The following NPAS3 variants were observed in gnomAD, a reference collection of about 807,000 sequenced individuals.
The protein encoded by NPAS3 is neuronal PAS domain-containing protein 3.
Under a neutral mutation model 73.1 loss-of-function variants are expected in NPAS3, and 14 were observed. That is an observed-to-expected ratio of 0.19 (90% CI 0.13 to 0.30). NPAS3 has a LOEUF of 0.30. NPAS3 is among the 10% of genes least tolerant of loss of function. NPAS3 has a pLI of 1.00. For synonymous variants in NPAS3, 620 were observed against 541.5 expected (o/e 1.14, Z -2.01); for missense variants, 1,096 against 1,250.0 (o/e 0.88, Z 1.86).
At chr14:33,643,383 A>AT (rs1488917486) in intron 5 of NPAS3, among the ~76,000 whole-genome samples, 1 of 146,302 alleles carries the variant, frequency 6.8e-6, no homozygotes, top group Non-Finnish European at 1.5e-5. Context: ...ATTAAAAAAA[A>AT]AAAAAAAAAA....
At chr14:33,032,576 T>A (rs1201463144) in intron 1 of NPAS3, among the ~76,000 whole-genome samples, 1 of 152,164 alleles carries the variant, frequency 6.6e-6, no homozygotes, top group African/African-American at 2.4e-5. Context: ...ATTAACACAG[T>A]CTGCATGGAC....
At chr14:32,937,880 T>C (rs1404143621), upstream of NPAS3, among the ~76,000 whole-genome samples, 1 of 152,070 alleles carries the variant, frequency 6.6e-6, no homozygotes, top group Non-Finnish European at 1.5e-5. Context: ...ACGCTTCTGA[T>C]TGGTTTAGTG....
chr14:33,034,413 T>C (rs940825413), intron 1 of NPAS3, among the ~76,000 whole-genome samples: 4 of 151,718 alleles, frequency 2.6e-5, no homozygotes, highest in African/African-American at 9.7e-5. Flanking sequence ...TACACTCAGC[T>C]AAAACATAAG....
intron 4 of NPAS3, among the ~76,000 whole-genome samples, chr14:33,384,423 A>ATTT (rs1566853839): frequency 1.3e-4 from 18 of 137,592 alleles, no homozygotes; most frequent in African/African-American, 4.4e-4. Flanking sequence ...TGTTTTTTTA[A>ATTT]AAAAAAAAAA....
At chr14:33,360,748 T>A (rs1170136208) in intron 3 of NPAS3, among the ~76,000 whole-genome samples, 1 of 152,070 alleles carries the variant, frequency 6.6e-6, no homozygotes, top group Admixed American at 6.5e-5. Flanking sequence ...ACTTTTGGAG[T>A]CTCAGGTATG....
intron 4 of NPAS3, among the ~76,000 whole-genome samples, chr14:33,466,985 T>C (rs1326650886): frequency 6.6e-6 from 1 of 152,214 alleles, no homozygotes; most frequent in Non-Finnish European, 1.5e-5. Context: ...AAGTTTCATG[T>C]CTAATATATT....
chr14:33,633,426 T>C (rs1048351781), intron 5 of NPAS3, among the ~76,000 whole-genome samples: 3 of 152,172 alleles, frequency 2.0e-5, no homozygotes, highest in Admixed American at 6.5e-5. Flanking sequence ...GAATATGTTC[T>C]GAGAAATGCA....
At chr14:33,505,642 A>G (rs1302243678) in intron 4 of NPAS3, among the ~76,000 whole-genome samples, 7 of 152,012 alleles carry the variant, frequency 4.6e-5, no homozygotes, top group Non-Finnish European at 7.4e-5. Flanking sequence ...AGCAAGCTGT[A>G]TTTGTCTTAT....
Position 33,029,763 on chromosome 14 carries a change from A to C in NPAS3, c.51-26142A>C, listed in dbSNP as rs144052269. Among the ~76,000 whole-genome samples, 1,028 of 152,342 alleles carry C rather than the reference A, an allele frequency of 6.7e-3. 12 individuals carry two copies. The highest frequency in any genetic ancestry group is 0.023 in the African/African-American group (965 of 41,586). On this transcript the variant is annotated intron_variant, in intron 1 of 11. Coordinates refer to ENST00000356141, the Ensembl canonical transcript of NPAS3. The stretch of plus-strand genomic sequence containing the variant: ...TATTACTGGCATAACAGTGGTGTGA[A>C]AATACTGAATGCCAAAACCAAAATG...
At chr14:33,372,120 T>C (rs865930137) in intron 4 of NPAS3, among the ~76,000 whole-genome samples, 11 of 152,176 alleles carry the variant, frequency 7.2e-5, no homozygotes, top group Non-Finnish European at 1.6e-4. Context: ...ATTTGGAAAC[T>C]AAAGTAGAGG....
At chr14:33,629,552 A>G (rs1567068176) in intron 5 of NPAS3, among the ~76,000 whole-genome samples, 1 of 151,164 alleles carries the variant, frequency 6.6e-6, no homozygotes, top group Non-Finnish European at 1.5e-5. Context: ...TGTACTCCTC[A>G]ATGGTTTTTT....
At chr14:33,319,388 G>C (rs2043341957) in intron 3 of NPAS3, among the ~76,000 whole-genome samples, 1 of 152,066 alleles carries the variant, frequency 6.6e-6, no homozygotes, top group South Asian at 2.1e-4. Flanking sequence ...TAGACCGCCA[G>C]ATATTTAAAA....
intron 6 of NPAS3, among the ~76,000 whole-genome samples, chr14:33,719,716 G>T (rs1470180424): frequency 6.6e-6 from 1 of 152,104 alleles, no homozygotes; most frequent in Non-Finnish European, 1.5e-5. Flanking sequence ...TGTACCATTT[G>T]CCTTTCTGAT....
At chr14:33,217,890 C>T (rs1387819671) in intron 3 of NPAS3, among the ~76,000 whole-genome samples, 1 of 152,180 alleles carries the variant, frequency 6.6e-6, no homozygotes, top group Non-Finnish European at 1.5e-5. Flanking sequence ...CTGTCTAGTG[C>T]TCTATCACTT....
intron 1 of NPAS3, among the ~76,000 whole-genome samples, chr14:33,044,370 T>C (rs1445890876): frequency 6.6e-6 from 1 of 152,238 alleles, no homozygotes; most frequent in Non-Finnish European, 1.5e-5. Context: ...GCAACCATTG[T>C]ATTTTGCTCA....
At chr14:33,676,304 C>T (rs747807058) in exon 6 of NPAS3, 7 of 1,613,022 alleles carry the variant, frequency 4.3e-6, no homozygotes, top group East Asian at 2.2e-5. Context: ...CCCCCCTGGG[C>T]GGGGTCTCCT....
At chr14:33,647,343 AAAG>A (rs1215882919) in intron 5 of NPAS3, among the ~76,000 whole-genome samples, 1 of 152,012 alleles carries the variant, frequency 6.6e-6, no homozygotes, top group Non-Finnish European at 1.5e-5. Context: ...ATCATCATGA[AAAG>A]AAGGCTTCTT....
intron 2 of NPAS3, among the ~76,000 whole-genome samples, chr14:33,073,520 A>G (rs1005133260): frequency 2.6e-5 from 4 of 152,156 alleles, no homozygotes; most frequent in Non-Finnish European, 4.4e-5. Flanking sequence ...TCAGTTCTGT[A>G]CAAGTCCAGA....
At chr14:33,202,953 CATATAA>C (rs1266566483) in intron 2 of NPAS3, among the ~76,000 whole-genome samples, 4 of 152,316 alleles carry the variant, frequency 2.6e-5, no homozygotes, top group East Asian at 3.9e-4. Context: ...CTTTTTCTGA[CATATAA>C]ATATAATTTT....
Sources: allele counts gnomAD v4.1 joint callset (sites outside exome capture counted in the v4.1 genomes callset), GRCh38; gene constraint gnomAD v4.1.1; transcripts MANE v1.5; gene names NCBI Gene and HGNC (gene_info 2026-07-23, HGNC 2026-07-21).